The following MYO3A variants were observed in gnomAD, a reference collection of about 807,000 sequenced individuals.
The protein encoded by MYO3A is myosin IIIA, also known as myosin-IIIa.
MYO3A carries 180 observed loss-of-function variants against 192.7 expected under a neutral mutation model. The observed-to-expected ratio is 0.93, with a 90% confidence interval of 0.83 to 1.06. The LOEUF (loss-of-function observed/expected upper bound fraction) is 1.06. MYO3A is among the 50% of genes least tolerant of loss of function. The pLI is 0.00. For synonymous variants in MYO3A, 628 were observed against 645.3 expected (o/e 0.97, Z 0.41); for missense variants, 1,896 against 1,905.0 (o/e 1.00, Z 0.09).
chr10:26,190,915 T>G (rs1376024467), intron 31 of MYO3A, among the ~76,000 whole-genome samples: 3 of 152,164 alleles, frequency 2.0e-5, no homozygotes, highest in African/African-American at 7.2e-5. Context: ...AATAATGCCT[T>G]TATTCCCAGA....
At chr10:26,064,435 G>A (rs1454863182) in intron 10 of MYO3A, among the ~76,000 whole-genome samples, 1 of 152,166 alleles carries the variant, frequency 6.6e-6, no homozygotes, top group Non-Finnish European at 1.5e-5. Flanking sequence ...GGGTATTGAG[G>A]GAGGCACAGA....
chr10:26,099,366 T>G (rs1837280041), intron 17 of MYO3A, among the ~76,000 whole-genome samples: 1 of 152,212 alleles, frequency 6.6e-6, no homozygotes, highest in South Asian at 2.1e-4. Context: ...ACAGAGACAG[T>G]TTGACTTCCT....
At chr10:25,978,717 A>T (rs1401138529) in intron 4 of MYO3A, among the ~76,000 whole-genome samples, 1 of 152,240 alleles carries the variant, frequency 6.6e-6, no homozygotes, top group Non-Finnish European at 1.5e-5. Context: ...GTAGGAAATT[A>T]CTATCTTAGT....
intron 31 of MYO3A, among the ~76,000 whole-genome samples, chr10:26,180,236 TATAAC>T (rs1205685866): frequency 2.0e-5 from 3 of 152,186 alleles, no homozygotes; most frequent in Admixed American, 1.3e-4. Context: ...TACATATTAA[TATAAC>T]ATATCAAAAG....
At chr10:26,003,657 A>G (rs1280875807) in intron 6 of MYO3A, among the ~76,000 whole-genome samples, 1 of 150,960 alleles carries the variant, frequency 6.6e-6, no homozygotes, top group Non-Finnish European at 1.5e-5. Flanking sequence ...CCTTCAGGCA[A>G]GTGAACTAAT....
At chr10:25,979,468 A>C (rs868290934) in intron 4 of MYO3A, among the ~76,000 whole-genome samples, 132 of 148,094 alleles carry the variant, frequency 8.9e-4, no homozygotes, top group Middle Eastern at 7.0e-3. Context: ...AATTTGAATC[A>C]CCCAACCCAC....
At chr10:26,002,595 C>T (rs867284312) in intron 6 of MYO3A, among the ~76,000 whole-genome samples, 29 of 146,208 alleles carry the variant, frequency 2.0e-4, no homozygotes, top group African/African-American at 6.4e-4. Flanking sequence ...CAGGGTGGAC[C>T]AGGTAATCGG....
chr10:26,040,742 T>C (rs1048775464), intron 10 of MYO3A, among the ~76,000 whole-genome samples: 2 of 152,134 alleles, frequency 1.3e-5, no homozygotes, highest in Non-Finnish European at 2.9e-5. Flanking sequence ...TTTTGTTTCA[T>C]TGTGGTCAGA....
chr10:25,970,483 G>GA (rs965098049), intron 4 of MYO3A, among the ~76,000 whole-genome samples: 1 of 151,068 alleles, frequency 6.6e-6, no homozygotes, highest in African/African-American at 2.4e-5. Flanking sequence ...ATGTATATTA[G>GA]AAAAAAAAGA....
intron 31 of MYO3A, among the ~76,000 whole-genome samples, chr10:26,191,482 A>G (rs1215365934): frequency 1.3e-5 from 2 of 152,236 alleles, no homozygotes; most frequent in Non-Finnish European, 2.9e-5. Context: ...ACTAATCTGT[A>G]CTAACATGGT....
At chr10:26,134,331 G>A (rs1370075885) in intron 20 of MYO3A, among the ~76,000 whole-genome samples, 2 of 152,086 alleles carry the variant, frequency 1.3e-5, no homozygotes, top group African/African-American at 4.8e-5. Context: ...AGCATTCTCT[G>A]TGACTTGCTA....
At chr10:26,171,336 G>A (rs998837736) in intron 29 of MYO3A, among the ~76,000 whole-genome samples, 1 of 152,056 alleles carries the variant, frequency 6.6e-6, no homozygotes, top group Non-Finnish European at 1.5e-5. Flanking sequence ...TAGAAAGGGT[G>A]AAGGAATGAA....
intron 14 of MYO3A, among the ~76,000 whole-genome samples, chr10:26,081,985 C>G (rs1835989999): frequency 6.6e-6 from 1 of 152,148 alleles, no homozygotes; most frequent in Non-Finnish European, 1.5e-5. Context: ...CTTGAGATTG[C>G]TGGTTTGTTC....
intron 31 of MYO3A, among the ~76,000 whole-genome samples, chr10:26,190,517 T>C (rs1363905787): frequency 6.6e-6 from 1 of 152,080 alleles, no homozygotes; most frequent in Non-Finnish European, 1.5e-5. Context: ...ACACCAGAAA[T>C]TGCCAGGACC....
intron 29 of MYO3A, among the ~76,000 whole-genome samples, chr10:26,173,400 G>A (rs781032165): frequency 2.0e-5 from 3 of 152,184 alleles, no homozygotes; most frequent in Non-Finnish European, 4.4e-5. Flanking sequence ...CTCATTAAAT[G>A]AAAAGATGGT....
chr10:25,984,740 C>A (rs1274546197), intron 4 of MYO3A, among the ~76,000 whole-genome samples: 1 of 152,094 alleles, frequency 6.6e-6, no homozygotes, highest in Non-Finnish European at 1.5e-5. Flanking sequence ...GAAATGAACT[C>A]CAAAAGGAAC....
At chr10:25,939,444 C>T (rs1836331570) in intron 2 of MYO3A, among the ~76,000 whole-genome samples, 1 of 151,792 alleles carries the variant, frequency 6.6e-6, no homozygotes, top group African/African-American at 2.4e-5. Context: ...AAATTTGAGG[C>T]TATATATTTT....
chr10:25,965,960 TC>T (rs1425985366), intron 4 of MYO3A, among the ~76,000 whole-genome samples: 3,525 of 129,690 alleles, frequency 0.027, 151 homozygotes, highest in African/African-American at 0.1. Context: ...TTTTTTTTTT[TC>T]TCTCTCTCTC....
chr10:25,994,440 A>G (rs1840285004), intron 4 of MYO3A, among the ~76,000 whole-genome samples: 1 of 152,174 alleles, frequency 6.6e-6, no homozygotes, highest in South Asian at 2.1e-4. Flanking sequence ...TGAATACAGC[A>G]CACTGATGGG....
Sources: allele counts gnomAD v4.1 joint callset (sites outside exome capture counted in the v4.1 genomes callset), GRCh38; gene constraint gnomAD v4.1.1; transcripts MANE v1.5; gene names NCBI Gene and HGNC (gene_info 2026-07-23, HGNC 2026-07-21).